The following SUGCT variants were observed in gnomAD, a reference collection of about 807,000 sequenced individuals.
The protein encoded by SUGCT is succinyl-CoA:glutarate-CoA transferase, also known as succinyl-CoA:glutarate CoA-transferase.
A neutral mutation model predicts 55.0 loss-of-function variants in SUGCT; 41 were observed. The ratio of observed to expected loss-of-function variants is 0.74; its 90% CI spans 0.58 to 0.97. SUGCT has a LOEUF of 0.97. Among genes scored for constraint, SUGCT ranks in the 50% least tolerant of loss-of-function variants. The probability of loss-of-function intolerance (pLI) is 0.00; values close to 1 mark genes in which losing one functional copy is unlikely to be tolerated. For missense variants in SUGCT, 568 were observed against 547.8 expected (o/e 1.04, Z -0.37); for synonymous variants, 187 against 200.4 (o/e 0.93, Z 0.56).
chr7:40,334,722 A>G (rs945756389), intron 9 of SUGCT, among the ~76,000 whole-genome samples: 11 of 152,146 alleles, frequency 7.2e-5, no homozygotes, highest in Non-Finnish European at 1.6e-4. Context: ...CTCTGATGGT[A>G]GTTTCTTTTG....
the SUGCT span, among the ~76,000 whole-genome samples, chr7:40,887,387 G>T: frequency 6.6e-6 from 1 of 152,182 alleles, no homozygotes; most frequent in African/African-American, 2.4e-5. Flanking sequence ...AGGTTGTGAT[G>T]ACCTTCATTG....
At chr7:40,561,962 T>C (rs1314752478) in intron 12 of SUGCT, among the ~76,000 whole-genome samples, 1 of 149,066 alleles carries the variant, frequency 6.7e-6, no homozygotes, top group African/African-American at 2.4e-5. Flanking sequence ...AGTGCTGGAA[T>C]TACAGGCATG....
intron 7 of SUGCT, among the ~76,000 whole-genome samples, chr7:40,245,123 C>T (rs10267984): frequency 3.9e-4 from 59 of 151,228 alleles, no homozygotes; most frequent in Non-Finnish European, 5.9e-4. Context: ...GGCATGATCT[C>T]GGCTCACTGC....
chr7:40,569,963 A>T (rs1250578120), intron 12 of SUGCT, among the ~76,000 whole-genome samples: 1 of 152,224 alleles, frequency 6.6e-6, no homozygotes, highest in East Asian at 1.9e-4. Context: ...TCCAAAGTTG[A>T]TGATATGTAG....
chr7:40,181,472 G>A (rs550247531), intron 2 of SUGCT, among the ~76,000 whole-genome samples: 23 of 152,204 alleles, frequency 1.5e-4, no homozygotes, highest in Admixed American at 1.4e-3. Flanking sequence ...GGGGCCAGGC[G>A]CGGTGGCTCA....
At chr7:41,036,395 G>A in the SUGCT span, among the ~76,000 whole-genome samples, 1 of 152,192 alleles carries the variant, frequency 6.6e-6, no homozygotes, top group East Asian at 1.9e-4. Context: ...AAACAACCTG[G>A]GTTCTAAATC....
chr7:40,795,721 T>TA (rs1024690081), intron 13 of SUGCT, among the ~76,000 whole-genome samples: 4 of 151,410 alleles, frequency 2.6e-5, no homozygotes, highest in East Asian at 1.9e-4. Context: ...GACAGAAAAC[T>TA]AAAAAAAAAC....
chr7:40,836,907 A>G (rs1047089255), intron 13 of SUGCT, among the ~76,000 whole-genome samples: 6 of 152,154 alleles, frequency 3.9e-5, no homozygotes, highest in Admixed American at 3.3e-4. Context: ...ATTCATGAGC[A>G]GATTTCTGAG....
intron 12 of SUGCT, among the ~76,000 whole-genome samples, chr7:40,548,182 CTTTCT>C (rs1795099816): frequency 8.4e-6 from 1 of 119,020 alleles, no homozygotes; most frequent in African/African-American, 3.3e-5. Flanking sequence ...TCTTTTCTTT[CTTTCT>C]TTTTTTTTTT....
chr7:40,615,285 T>C (rs1273065648), intron 12 of SUGCT, among the ~76,000 whole-genome samples: 1 of 145,644 alleles, frequency 6.9e-6, no homozygotes, highest in Non-Finnish European at 1.5e-5. Context: ...ATACAATAAA[T>C]ATAGATTAAC....
intron 1 of SUGCT, among the ~76,000 whole-genome samples, chr7:40,172,053 G>A (rs771068321): frequency 3.9e-5 from 6 of 152,074 alleles, no homozygotes; most frequent in Non-Finnish European, 5.9e-5. Context: ...CACGGTGGAA[G>A]GACGTTAGCT....
chr7:40,158,511 G>A (rs1784002934), intron 1 of SUGCT, among the ~76,000 whole-genome samples: 1 of 152,234 alleles, frequency 6.6e-6, no homozygotes, highest in African/African-American at 2.4e-5. Flanking sequence ...AGCACTTTGG[G>A]AGGCCGAGGC....
chr7:40,626,363 TCTCCTG>T (rs1039505705), intron 12 of SUGCT, among the ~76,000 whole-genome samples: 34 of 151,346 alleles, frequency 2.2e-4, no homozygotes, highest in African/African-American at 8.1e-4. Context: ...TTCAAGCGAT[TCTCCTG>T]CTTCAGCCTC....
chr7:40,600,870 T>C (rs928111593), intron 12 of SUGCT, among the ~76,000 whole-genome samples: 2 of 152,222 alleles, frequency 1.3e-5, no homozygotes, highest in Admixed American at 1.3e-4. Flanking sequence ...TTTTAAGCTA[T>C]CTTTACTTTG....
At chr7:40,937,521 A>ATTG in the SUGCT span, among the ~76,000 whole-genome samples, 3 of 151,952 alleles carry the variant, frequency 2.0e-5, no homozygotes, top group African/African-American at 7.3e-5. Flanking sequence ...TTATTGTTGA[A>ATTG]TTGTTTATTT....
intron 3 of SUGCT, among the ~76,000 whole-genome samples, chr7:40,186,538 C>T (rs1785521670): frequency 6.6e-6 from 1 of 152,144 alleles, no homozygotes; most frequent in African/African-American, 2.4e-5. Flanking sequence ...GGATTACCAG[C>T]ATGAGCCACC....
intron 12 of SUGCT, among the ~76,000 whole-genome samples, chr7:40,552,367 A>G (rs1253822001): frequency 6.6e-6 from 1 of 151,946 alleles, no homozygotes; most frequent in Non-Finnish European, 1.5e-5. Context: ...TGCTTTTTTC[A>G]TAAGTTACTC....
At chr7:40,224,124 G>A (rs984847217) in intron 6 of SUGCT, among the ~76,000 whole-genome samples, 1 of 152,116 alleles carries the variant, frequency 6.6e-6, no homozygotes, top group Non-Finnish European at 1.5e-5. Context: ...TCCTGACAAT[G>A]AAAAATATTT....
intron 9 of SUGCT, among the ~76,000 whole-genome samples, chr7:40,321,752 G>A (rs891366941): frequency 5.9e-5 from 9 of 152,114 alleles, no homozygotes; most frequent in Non-Finnish European, 8.8e-5. Flanking sequence ...TGCTGCAAAC[G>A]ATATGATTTT....
Sources: allele counts gnomAD v4.1 joint callset (sites outside exome capture counted in the v4.1 genomes callset), GRCh38; gene constraint gnomAD v4.1.1; transcripts MANE v1.5; gene names NCBI Gene and HGNC (gene_info 2026-07-23, HGNC 2026-07-21).